Variants in CIZ1 observed in about 807,000 individuals in gnomAD.
The protein encoded by CIZ1 is CDKN1A interacting zinc finger protein 1.
In CIZ1, 58 loss-of-function variants were observed where a neutral mutation model predicts 118.6. The observed-to-expected ratio is 0.49, with a 90% CI of 0.40 to 0.61. The LOEUF (loss-of-function observed/expected upper bound fraction) is 0.61. Among genes scored for constraint, CIZ1 ranks in the 20% least tolerant of loss-of-function variants. The pLI is 0.00. For missense variants in CIZ1, 921 were observed against 1,115.9 expected (o/e 0.83, Z 2.49); for synonymous variants, 448 against 443.4 (o/e 1.01, Z -0.13).
chr9:128,190,549 A>G, intron 2 of CIZ1, 105 bp from the exon 3 acceptor site: 1 of 1,360,080 alleles, frequency 7.4e-7, no homozygotes, highest in Non-Finnish European at 1.0e-6. Flanking sequence ...TGGTAGACAG[A>G]GGACCCCTTG....
intron 3 of CIZ1, among the ~76,000 whole-genome samples, chr9:128,188,687 G>T (rs1832748721): frequency 1.3e-5 from 2 of 151,806 alleles, no homozygotes; most frequent in Non-Finnish European, 2.9e-5. Context: ...AGGCTGGAAT[G>T]CAGTGATACA....
At chr9:128,175,587 C>G (rs1234426869) in intron 11 of CIZ1, among the ~76,000 whole-genome samples, 1 of 152,210 alleles carries the variant, frequency 6.6e-6, no homozygotes, top group Non-Finnish European at 1.5e-5. Context: ...TGACCACTGA[C>G]TCAAGGGACC....
intron 3 of CIZ1, among the ~76,000 whole-genome samples, chr9:128,188,712 C>G (rs1047113235): frequency 6.6e-6 from 1 of 152,110 alleles, no homozygotes; most frequent in African/African-American, 2.4e-5. Context: ...TGGCTCACAG[C>G]AACCCCCGCC....
chr9:128,190,526 C>A, intron 2 of CIZ1, 82 bp from the exon 3 acceptor site: 1 of 1,364,258 alleles, frequency 7.3e-7, no homozygotes, highest in South Asian at 1.2e-5. Flanking sequence ...CCTCCATTCT[C>A]TGCCCCACTC....
chr9:128,167,930 T>A lies in CIZ1; in HGVS notation c.2296-766A>T, dbSNP rs1829633140. Among the ~76,000 whole-genome samples the A allele has an allele frequency of 2.0e-5, 3 of 152,174 alleles. No individual in the cohort carries two copies. In the South Asian group the frequency reaches 6.2e-4, roughly 31 times the overall value. ...ACTTCTGAGCAGAGGCAACTGAGGCTCAGAGAGGCCAAGTGGCTTGCCTGA... is the reference window on the plus strand; with the variant it reads ...ACTTCTGAGCAGAGGCAACTGAGGCACAGAGAGGCCAAGTGGCTTGCCTGA... On this transcript the variant is annotated intron_variant, in intron 14 of 16. Transcript: ENST00000372938.
Position 128,179,074 on chromosome 9 carries a change from T to C in CIZ1, c.1133A>G (p.Gln378Arg), listed in dbSNP as rs1446914864. The C allele has an allele frequency of 6.2e-7, 1 of 1,613,598 alleles. No homozygotes were observed. The highest frequency in any genetic ancestry group is 8.5e-7 in the Non-Finnish European group (1 of 1,179,552). The change falls in exon 8 of 17, where the codon CAG becomes CGG. Residue 378 changes from glutamine (Q) to arginine (R), a missense_variant. By Grantham distance (43) the Gln-to-Arg change is conservative. Coordinates refer to ENST00000372938, the MANE Select transcript of CIZ1 (RefSeq NM_001131016.2). The stretch of plus-strand genomic sequence containing the variant: ...CTGTGAATGTGCCTGTGGCTGTACC[T>C]GTGGCTGCACCTGCTTCTGTGGCTC... ...EAEPQKQVQPQVQPQAHSQGP... is the reference protein window; with the variant it reads ...EAEPQKQVQPRVQPQAHSQGP...
At chr9:128,176,038 C>T (rs1414893412) in intron 11 of CIZ1, among the ~76,000 whole-genome samples, 2 of 152,228 alleles carry the variant, frequency 1.3e-5, no homozygotes, top group Non-Finnish European at 2.9e-5. Context: ...CACCCCACAG[C>T]GGGGTTAGCA....
At position 128,179,298 on chromosome 9, in the gene CIZ1, C is replaced by T. The variant is rs1831261723; in HGVS notation, c.909G>A (p.Leu303=). The change falls in exon 8 of 17, where the codon CTG becomes CTA. Residue 303 remains leucine (L), a synonymous_variant. Coordinates refer to ENST00000372938, the MANE Select transcript of CIZ1 (RefSeq NM_001131016.2). ...GGAATCGTGGCAGCACTTGGGCTTC[C>T]AGGGCCTCAGGCAGCAGGTCTGGTG... ...TQTPDLLPEA[L]EAQVLPRFQP... 6.2e-7 allele frequency: 1 copy of T among 1,614,146 alleles called. No homozygotes were observed.
rs769201762 is a variant in CIZ1 at position 128,179,353 on chromosome 9, G to A, written c.854C>T (p.Ala285Val). Reference protein sequence around the residue: ...GQLQVKAQPQARMTVPKQTQT... With the variant: ...GQLQVKAQPQVRMTVPKQTQT... Reference sequence around the variant, plus strand: ...TGTCTGTTTCGGTACTGTCATCCGGGCCTGCGGCTGGGCCTTCACCTGTAA... The same window carrying A: ...TGTCTGTTTCGGTACTGTCATCCGGACCTGCGGCTGGGCCTTCACCTGTAA... The change falls in exon 8 of 17, where the codon GCC becomes GTC. Residue 285 changes from alanine to valine, a missense_variant. Physicochemically the swap from Ala to Val is moderately conservative, Grantham distance 64. Coordinates refer to ENST00000372938, the MANE Select transcript of CIZ1 (RefSeq NM_001131016.2). 1.4e-5 allele frequency: 22 copies of A among 1,613,648 alleles called. No individual in the cohort carries two copies. In the East Asian group the frequency reaches 4.9e-4, roughly 36 times the overall value.
intron 14 of CIZ1, 65 bp downstream of exon 14, chr9:128,168,987 G>A: frequency 6.2e-7 from 1 of 1,604,020 alleles, no homozygotes; most frequent in Non-Finnish European, 8.5e-7. Flanking sequence ...CGGGAGGTGG[G>A]ATGAGGTCTG....
At chr9:128,191,880 G>T, upstream of CIZ1, 1 of 1,452,352 alleles carries the variant, frequency 6.9e-7, no homozygotes, top group Non-Finnish European at 9.1e-7. This position sits in a 1 kb window ranked among gnomAD's most constrained non-coding sequence, Gnocchi z 5.5. Flanking sequence ...GCGGTCCTGC[G>T]ATCCTGGGGC....
In CIZ1 at chr9:128,185,547, CT is replaced by C; in HGVS notation, c.587del (p.Lys196ArgfsTer67). On this transcript the variant is annotated frameshift_variant and splice_region_variant, in exon 5 of 17. Coordinates refer to ENST00000372938, the MANE Select transcript of CIZ1 (RefSeq NM_001131016.2). LOFTEE classifies it high-confidence loss of function. ...RTSSSTTPNR[K>X]DSSSQTMPVE... The stretch of plus-strand genomic sequence containing the variant: ...ACTCCCATCCCCACCTACCACTCAC[CT>C]TTCGATTGGGGGTGGTAGAGGAGGA... The C allele has an allele frequency of 6.6e-7, 1 of 1,511,850 alleles. No individual in the cohort carries two copies. Among genetic ancestry groups the C allele is most frequent in the Non-Finnish European group, 8.9e-7 (1 of 1,129,306 alleles). The allele number at this position is 1,511,850 out of a possible 1,614,324, so 93.7% of individuals were successfully genotyped here.
chr9:128,200,096 T>G (rs1833476033), intron 1 of CIZ1: 1 of 151,996 alleles, frequency 6.6e-6, no homozygotes, highest in African/African-American at 2.4e-5. Context: ...GCCCTGAGAT[T>G]CTTCTTTTCA....
chr9:128,190,362 G>A lies in CIZ1; in HGVS notation c.253C>T (p.Leu85=), dbSNP rs767460622. 1.9e-5 allele frequency: 31 copies of A among 1,613,862 alleles called. No individual in the cohort carries two copies. The South Asian group carries it at 2.9e-4, about 15-fold the overall frequency. ...NSASLLNGSM[L]QRALLLQQLQ... Reference sequence around the variant, plus strand: ...TGCTGTAAAAGCAAAGCTCTCTGCAGCATGGAGCCGTTGAGGAGGGAGGCT... The same window carrying A: ...TGCTGTAAAAGCAAAGCTCTCTGCAACATGGAGCCGTTGAGGAGGGAGGCT... Residue 85 remains leucine (L), a synonymous_variant, in exon 3 of 17, where the codon CTG becomes TTG. Coordinates refer to ENST00000372938, the MANE Select transcript of CIZ1 (RefSeq NM_001131016.2).
chr9:128,192,295 G>A (rs1833225477), upstream of CIZ1, among the ~76,000 whole-genome samples: 1 of 151,782 alleles, frequency 6.6e-6, no homozygotes, highest in Non-Finnish European at 1.5e-5. Context: ...ACTTGAGCCC[G>A]GGAGGCACAG....
At position 128,185,638 on chromosome 9, in the gene CIZ1, C is replaced by T. The variant is rs945066527; in HGVS notation, c.497G>A (p.Gly166Glu). Residue 166 changes from glycine (G) to glutamate (E), a missense_variant, in exon 5 of 17, where the codon GGG becomes GAG. Physicochemically the swap from Gly to Glu is moderately conservative, Grantham distance 98. Transcript: ENST00000372938. The stretch of plus-strand genomic sequence containing the variant: ...GAACTGGGAAGGGTTCATGGGGACC[C>T]CAACAGGAGGAGGTCCCAGCAAGGA... ...RQSLLGPPPV[G>E]VPMNPSQFNL... is the part of the protein sequence containing the mutation. 1 of 1,575,426 alleles carries T rather than the reference C, an allele frequency of 6.3e-7. No homozygotes were observed. The highest frequency in any genetic ancestry group is 1.4e-5 in the African/African-American group (1 of 74,012).
At chr9:128,170,190 T>TG in intron 11 of CIZ1, 83 bp from the exon 12 acceptor site, 1 of 1,161,894 alleles carries the variant, frequency 8.6e-7, no homozygotes, top group Non-Finnish European at 1.3e-6. Flanking sequence ...GTGTAATCCA[T>TG]TCCAATAGCA....
intron 7 of CIZ1, 124 bp from the exon 8 acceptor site, chr9:128,179,539 G>A: frequency 1.3e-6 from 1 of 781,242 alleles, no homozygotes; most frequent in Non-Finnish European, 2.0e-6. Flanking sequence ...TTGGGAGGCT[G>A]AGGCAGGTGG....
chr9:128,172,688 A>G (rs1015179161), intron 11 of CIZ1, among the ~76,000 whole-genome samples: 3 of 152,168 alleles, frequency 2.0e-5, no homozygotes, highest in African/African-American at 7.2e-5. Flanking sequence ...TTTTATTTTT[A>G]AAGATTGTAT....
Sources: gnomAD v4.1 joint callset for allele counts (sites outside exome capture counted in the v4.1 genomes callset) on GRCh38, gnomAD v4.1.1 for gene constraint, Gnocchi (gnomAD v3.1) non-coding constraint, MANE v1.5 for transcripts, NCBI Gene and HGNC (gene_info 2026-07-23, HGNC 2026-07-21) for gene names.